Variants in MAN2B2 observed in about 807,000 individuals in gnomAD.
MAN2B2 encodes the protein mannosidase alpha class 2B member 2.
Under a neutral mutation model 117.1 loss-of-function variants are expected in MAN2B2, and 106 were observed. The ratio of observed to expected loss-of-function variants is 0.90; its 90% CI spans 0.77 to 1.06. The LOEUF (loss-of-function observed/expected upper bound fraction) is 1.06. Ranked by LOEUF, MAN2B2 falls within the 50% of genes least tolerant of loss-of-function variation. MAN2B2 has a pLI of 0.00. For missense variants in MAN2B2, 1,326 were observed against 1,381.4 expected (o/e 0.96, Z 0.64); for synonymous variants, 544 against 595.1 (o/e 0.91, Z 1.25).
chr4:6,595,901 C>T (rs140924235), intron 7 of MAN2B2, among the ~76,000 whole-genome samples: 108 of 152,276 alleles, frequency 7.1e-4, no homozygotes, highest in African/African-American at 2.4e-3. Context: ...GCATAGTCCC[C>T]GGCTCCTGCT....
intron 3 of MAN2B2, among the ~76,000 whole-genome samples, chr4:6,579,153 T>TTCAC (rs1726244675): frequency 5.7e-5 from 1 of 17,602 alleles, no homozygotes; most frequent in African/African-American, 1.8e-4. Context: ...ACCACCACCA[T>TTCAC]CACCATCACC....
chr4:6,609,576 TA>T (rs1727685050), intron 12 of MAN2B2: 1 of 642,114 alleles, frequency 1.6e-6, no homozygotes, highest in Non-Finnish European at 2.7e-6. Flanking sequence ...AGAGCAGACG[TA>T]AGGCAGGCCC....
rs1316748806 is a variant in MAN2B2, at chr4:6,621,370, G to A, written c.*85G>A. ...ACCCAGGACAGGGAAAAGCAGTGCG[G>A]AGGGATGGGACTGGGGAGTCAGCTG... On this transcript the variant is annotated 3_prime_UTR_variant, in exon 19 of 19. Coordinates refer to ENST00000285599, the MANE Select transcript of MAN2B2 (RefSeq NM_015274.3). 8.8e-7 allele frequency: 1 copy of A among 1,136,966 alleles called. No individual in the cohort carries two copies. The highest frequency in any genetic ancestry group is 1.5e-5 in the African/African-American group (1 of 64,970). 70.4% of individuals were successfully genotyped at this position (1,136,966 alleles called of 1,614,324 possible).
intron 5 of MAN2B2, among the ~76,000 whole-genome samples, chr4:6,590,503 G>A (rs1726813732): frequency 6.6e-6 from 1 of 152,190 alleles, no homozygotes; most frequent in Admixed American, 6.5e-5. Context: ...CCTGCCAGGT[G>A]AGGAAGTTGA....
At chr4:6,609,017 G>C in intron 11 of MAN2B2, 90 bp from the exon 12 acceptor site, 1 of 1,268,778 alleles carries the variant, frequency 7.9e-7, no homozygotes, top group East Asian at 2.5e-5. Context: ...AGGCCACTCA[G>C]ATGGCATCTG....
rs533788202 is a variant in MAN2B2, at chr4:6,593,319, G to C, written c.827G>C (p.Trp276Ser). 33 of 1,613,492 alleles carry C rather than the reference G, an allele frequency of 2.0e-5. No homozygotes were observed. The East Asian group carries it at 7.1e-4, about 35-fold the overall frequency. ...GCCAACGTGAAGCAGAGGGCCGCCT[G>C]GTTCCGGACACCGCACGTCCTCTGG... ...LVANVKQRAAWFRTPHVLWPW... is the reference protein window; with the variant it reads ...LVANVKQRAASFRTPHVLWPW... Residue 276 changes from tryptophan to serine, a missense_variant, in exon 6 of 19, where the codon TGG becomes TCG. Coordinates refer to ENST00000285599, the MANE Select transcript of MAN2B2 (RefSeq NM_015274.3).
rs576661138 is a variant in MAN2B2 at position 6,576,659 on chromosome 4, G to A, written c.220G>A (p.Ala74Thr). The A allele has an allele frequency of 3.5e-5, 56 of 1,614,004 alleles. 1 individual carries two copies. Among genetic ancestry groups the A allele is most frequent in the South Asian group, 3.1e-4 (28 of 91,090 alleles). ...LARGQQRRFI[A>T]VEQEFFRLWW... ...CCGCGGCCAGCAGCGCCGGTTCATC[G>A]CTGTGGAGCAGGAGTTTTTCCGGCT... is the stretch of plus-strand genomic sequence containing the variant. Residue 74 changes from alanine to threonine, a missense_variant, in exon 2 of 19, where the codon GCT becomes ACT. By Grantham distance (58) the Ala-to-Thr change is moderately conservative. Transcript: ENST00000285599.
chr4:6,596,933 G>A (rs375802972), intron 7 of MAN2B2, among the ~76,000 whole-genome samples, 180 bp from the exon 8 acceptor site: 3 of 152,314 alleles, frequency 2.0e-5, no homozygotes, highest in African/African-American at 7.2e-5. Context: ...TCTGGCTATG[G>A]GAGGAGGCCT....
chr4:6,600,923 AC>A (rs1255663923), intron 10 of MAN2B2, among the ~76,000 whole-genome samples, 167 bp downstream of exon 10: 3 of 152,000 alleles, frequency 2.0e-5, no homozygotes, highest in Non-Finnish European at 4.4e-5. Context: ...TCCCAACACC[AC>A]CCAATTCTCC....
chr4:6,593,457 C>A, intron 6 of MAN2B2, 107 bp downstream of exon 6: 1 of 1,149,898 alleles, frequency 8.7e-7, no homozygotes. Context: ...GCTAGGCAGC[C>A]ATGCTCAGCC....
chr4:6,598,964 T>C (rs925943023), intron 9 of MAN2B2, among the ~76,000 whole-genome samples: 1 of 152,246 alleles, frequency 6.6e-6, no homozygotes, highest in African/African-American at 2.4e-5. Flanking sequence ...TGCCTGGGAC[T>C]GAGGGGTTTC....
chr4:6,614,959 T>A (rs893514042), intron 16 of MAN2B2, among the ~76,000 whole-genome samples: 2 of 152,242 alleles, frequency 1.3e-5, no homozygotes, highest in African/African-American at 4.8e-5. Context: ...CGACACCTGC[T>A]GGGAACTGAC....
chr4:6,610,148 A>C, intron 13 of MAN2B2, 98 bp downstream of exon 13: 1 of 1,498,488 alleles, frequency 6.7e-7, no homozygotes, highest in African/African-American at 1.4e-5. Context: ...AGAGGCCTCC[A>C]GTGAGAATGT....
intron 3 of MAN2B2, among the ~76,000 whole-genome samples, chr4:6,579,006 C>T (rs1277836548): frequency 7.1e-6 from 1 of 141,618 alleles, no homozygotes; most frequent in Non-Finnish European, 1.6e-5. Context: ...ACTACCATCA[C>T]CACCACCACC....
chr4:6,623,312 C>T lies in MAN2B2; in HGVS notation c.*2027C>T, dbSNP rs1426665988. The T allele has an allele frequency of 2.7e-5, 4 of 149,554 alleles. 1 individual carries two copies. The highest frequency in any genetic ancestry group is 1.0e-4 in the African/African-American group (4 of 39,684). 9.3% of individuals were successfully genotyped at this position (149,554 alleles called of 1,614,324 possible). ...GGCGGAGGAGACCTCCGCCTCTGCA[C>T]TCCAGCCTGGGTGACAAGAGTGAGA... is the stretch of plus-strand genomic sequence containing the variant. On this transcript the variant is annotated 3_prime_UTR_variant, in exon 19 of 19. Transcript: ENST00000285599.
intron 12 of MAN2B2, 191 bp downstream of exon 12, chr4:6,609,489 G>A (rs1727682527): frequency 1.2e-5 from 8 of 656,364 alleles, no homozygotes; most frequent in South Asian, 1.9e-5. Flanking sequence ...GTGTCACGTT[G>A]GTTGGGAGCT....
intron 3 of MAN2B2, among the ~76,000 whole-genome samples, chr4:6,586,336 C>T (rs1192605683): frequency 3.3e-5 from 5 of 152,222 alleles, no homozygotes; most frequent in South Asian, 2.1e-4. Context: ...GCCAGGATGA[C>T]AGGCGTGAGC....
At chr4:6,578,602 T>A in intron 3 of MAN2B2, 104 bp downstream of exon 3, 3 of 928,158 alleles carry the variant, frequency 3.2e-6, no homozygotes, top group Non-Finnish European at 5.0e-6. Context: ...CCCCTCTTAG[T>A]GGGGTCGGGG....
At chr4:6,588,034 C>A (rs192712746) in intron 4 of MAN2B2, among the ~76,000 whole-genome samples, 1 of 152,156 alleles carries the variant, frequency 6.6e-6, no homozygotes, top group Non-Finnish European at 1.5e-5. Flanking sequence ...GCTGGTATTA[C>A]AGGCGGGAGC....
Sources: allele counts gnomAD v4.1 joint callset (sites outside exome capture counted in the v4.1 genomes callset), GRCh38; gene constraint gnomAD v4.1.1; transcripts MANE v1.5; gene names NCBI Gene and HGNC (gene_info 2026-07-23, HGNC 2026-07-21).